Variants in TBC1D5 observed in about 807,000 individuals in gnomAD.
TBC1D5 encodes TBC1 domain family member 5, also known as TBC1 domain family, member 5.
TBC1D5 carries 75 observed loss-of-function variants against 100.3 expected under a neutral mutation model. The ratio of observed to expected loss-of-function variants is 0.75; its 90% CI spans 0.62 to 0.91. TBC1D5 has a LOEUF of 0.91. Among genes scored for constraint, TBC1D5 ranks in the 40% least tolerant of loss-of-function variants. The pLI is 0.00. For missense variants in TBC1D5, 910 were observed against 942.4 expected (o/e 0.97, Z 0.45); for synonymous variants, 323 against 325.6 (o/e 0.99, Z 0.09).
At chr3:17,553,808 C>T (rs1407926101) in intron 2 of TBC1D5, among the ~76,000 whole-genome samples, 1 of 151,960 alleles carries the variant, frequency 6.6e-6, no homozygotes, top group African/African-American at 2.4e-5. Flanking sequence ...ACATTTAGTC[C>T]CCTTGCGGGT....
At chr3:17,525,988 C>T (rs533932151) in intron 2 of TBC1D5, among the ~76,000 whole-genome samples, 1 of 152,188 alleles carries the variant, frequency 6.6e-6, no homozygotes, top group Non-Finnish European at 1.5e-5. Flanking sequence ...GAAATGCTTC[C>T]TAACTTCTTT....
intron 1 of TBC1D5, among the ~76,000 whole-genome samples, chr3:17,674,300 C>T (rs2068351092): frequency 2.0e-5 from 3 of 152,150 alleles, no homozygotes; most frequent in Admixed American, 2.0e-4. Flanking sequence ...CAAGATGCCT[C>T]TCATTTACAA....
chr3:17,188,066 TG>T (rs1467111852), intron 18 of TBC1D5, among the ~76,000 whole-genome samples: 1 of 152,240 alleles, frequency 6.6e-6, no homozygotes, highest in Non-Finnish European at 1.5e-5. Context: ...AGGCACAGCC[TG>T]TTGGCAGTGA....
At chr3:17,204,703 C>T (rs904126278) in intron 18 of TBC1D5, among the ~76,000 whole-genome samples, 31 of 152,106 alleles carry the variant, frequency 2.0e-4, no homozygotes, top group Non-Finnish European at 3.5e-4. Flanking sequence ...TCCTGTGATT[C>T]TGCTTTCACA....
At chr3:17,663,084 A>G (rs993522189) in intron 1 of TBC1D5, 1 of 152,202 alleles carries the variant, frequency 6.6e-6, no homozygotes, top group African/African-American at 2.4e-5. Flanking sequence ...TACATTCATG[A>G]TTGTAATTTT....
chr3:17,636,059 G>C (rs2063887318), intron 1 of TBC1D5, among the ~76,000 whole-genome samples: 1 of 152,120 alleles, frequency 6.6e-6, no homozygotes, highest in African/African-American at 2.4e-5. Flanking sequence ...TGGGTGTGGT[G>C]GTGGGCACCT....
chr3:17,630,561 A>G (rs1252348842), intron 1 of TBC1D5, among the ~76,000 whole-genome samples: 1 of 152,158 alleles, frequency 6.6e-6, no homozygotes, highest in African/African-American at 2.4e-5. Context: ...CAGATCAGCC[A>G]TTCTGCCATC....
At chr3:17,159,762 G>GATACGGGGTTCACAGCTGAGC (rs1164349729) in exon 22 of TBC1D5, 1 of 152,322 alleles carries the variant, frequency 6.6e-6, no homozygotes, top group African/African-American at 2.4e-5. Flanking sequence ...TGGGGCCCAG[G>GATACGGGGTTCACAGCTGAGC]ATACGGGGTT....
chr3:17,290,293 T>A (rs1423064718), intron 15 of TBC1D5, among the ~76,000 whole-genome samples: 3 of 152,192 alleles, frequency 2.0e-5, no homozygotes, highest in Non-Finnish European at 4.4e-5. Flanking sequence ...AAGTACTCCA[T>A]TAAAATCATA....
intron 18 of TBC1D5, among the ~76,000 whole-genome samples, chr3:17,194,650 TTCCATAATTCATGGTATTTAAATTCA>T (rs1451541299): frequency 1.3e-5 from 2 of 152,228 alleles, no homozygotes; most frequent in African/African-American, 4.8e-5. Context: ...GCAAAAATAC[TTCCATAATTCATGGTATTTAAATTCA>T]TCCCTGATTT....
At chr3:17,733,871 G>C (rs1057106498) in intron 1 of TBC1D5, among the ~76,000 whole-genome samples, 3 of 151,978 alleles carry the variant, frequency 2.0e-5, no homozygotes, top group African/African-American at 7.3e-5. Flanking sequence ...TTCAAAAAGC[G>C]ACTGGTTACA....
At chr3:17,575,664 T>C (rs949754887) in intron 2 of TBC1D5, among the ~76,000 whole-genome samples, 2 of 152,152 alleles carry the variant, frequency 1.3e-5, no homozygotes, top group African/African-American at 4.8e-5. Context: ...GGATTCGTTC[T>C]TTATGTCATG....
chr3:17,366,853 T>C (rs2092165792), intron 13 of TBC1D5, among the ~76,000 whole-genome samples: 1 of 152,170 alleles, frequency 6.6e-6, no homozygotes, highest in African/African-American at 2.4e-5. Flanking sequence ...TTTGGCAGAT[T>C]AGTAATCAAT....
intron 17 of TBC1D5, among the ~76,000 whole-genome samples, chr3:17,215,892 C>A (rs1461494046): frequency 6.6e-6 from 1 of 152,080 alleles, no homozygotes; most frequent in Admixed American, 6.6e-5. Flanking sequence ...ACTCCCAGTA[C>A]CTGGGAGTCC....
chr3:17,692,078 A>C (rs2071256630), intron 1 of TBC1D5, among the ~76,000 whole-genome samples: 1 of 151,720 alleles, frequency 6.6e-6, no homozygotes, highest in Non-Finnish European at 1.5e-5. Flanking sequence ...ACTTCAAGAA[A>C]TAAAAAACAT....
At chr3:17,357,795 T>C (rs1286611078) in intron 13 of TBC1D5, among the ~76,000 whole-genome samples, 1 of 152,202 alleles carries the variant, frequency 6.6e-6, no homozygotes, top group Non-Finnish European at 1.5e-5. Flanking sequence ...TTGCGTTCCA[T>C]TGAATAGGAG....
Position 17,310,357 on chromosome 3 carries a change from T to G in TBC1D5, c.996-2223A>C, listed in dbSNP as rs991805685. 6.6e-5 allele frequency among the ~76,000 whole-genome samples: 10 copies of G among 152,226 alleles called. 1 individual carries two copies. In the South Asian group the frequency reaches 1.9e-3, roughly 28 times the overall value. On this transcript the variant is annotated intron_variant, in intron 13 of 21. Coordinates refer to ENST00000253692, the Ensembl canonical transcript of TBC1D5. ...ACACACAATGCATGTCTTTAGCACT[T>G]TTTAATGTATTATCTACAATGTGCT... is the stretch of plus-strand genomic sequence containing the variant.
chr3:17,599,882 A>AT (rs1324431378), intron 2 of TBC1D5, among the ~76,000 whole-genome samples: 3 of 152,144 alleles, frequency 2.0e-5, no homozygotes, highest in Non-Finnish European at 4.4e-5. Context: ...AATGAGGGGG[A>AT]TGGGGAAAAG....
chr3:17,436,088 G>A (rs1478702739), intron 3 of TBC1D5, among the ~76,000 whole-genome samples: 1 of 152,126 alleles, frequency 6.6e-6, no homozygotes, highest in African/African-American at 2.4e-5. Flanking sequence ...GTATTTCCAG[G>A]AGTAAGCCTT....
Sources: allele counts gnomAD v4.1 joint callset (sites outside exome capture counted in the v4.1 genomes callset), GRCh38; gene constraint gnomAD v4.1.1; transcripts MANE v1.5; gene names NCBI Gene and HGNC (gene_info 2026-07-23, HGNC 2026-07-21).